FOXN3: variants seen among roughly 807,000 people sequenced by gnomAD.
FOXN3 encodes forkhead box protein N3.
Under a neutral mutation model 38.4 loss-of-function variants are expected in FOXN3, and 7 were observed. The ratio of observed to expected loss-of-function variants is 0.18; its 90% CI spans 0.10 to 0.34. FOXN3 has a LOEUF of 0.34. FOXN3 is among the 10% of genes least tolerant of loss of function. The pLI is 1.00. For missense variants in FOXN3, 456 were observed against 613.4 expected (o/e 0.74, Z 2.71); for synonymous variants, 230 against 242.2 (o/e 0.95, Z 0.47).
chr14:89,186,346 G>C (rs985834343), intron 4 of FOXN3, among the ~76,000 whole-genome samples: 3 of 151,898 alleles, frequency 2.0e-5, no homozygotes, highest in African/African-American at 7.3e-5. Flanking sequence ...TTATTATCTA[G>C]TTTGTCTCTG....
chr14:89,158,170 A>G lies in FOXN3; in HGVS notation c.*4244T>C, dbSNP rs1887021145. The G allele has an allele frequency of 6.6e-6, 1 of 152,306 alleles. No individual in the cohort carries two copies. The highest frequency in any genetic ancestry group is 2.4e-5 in the African/African-American group (1 of 41,470). The allele number at this position is 152,306 out of a possible 1,614,324, so 9.4% of individuals were successfully genotyped here. On this transcript the variant is annotated 3_prime_UTR_variant, in exon 6 of 6. Coordinates refer to ENST00000557258, the MANE Select transcript of FOXN3 (RefSeq NM_005197.4). The stretch of plus-strand genomic sequence containing the variant: ...CCCAAGGCGCCCCCCACAGAGTGGA[A>G]TGAGTGGAACTTGCGTCAGTAGCCC...
rs58930677 is a variant in FOXN3 at position 89,287,749 on chromosome 14, T to TA, written c.681-6736dup. 3.4e-3 allele frequency among the ~76,000 whole-genome samples: 439 copies of TA among 129,664 alleles called. 2 individuals are homozygous for TA. The highest frequency in any genetic ancestry group is 6.2e-3 in the Non-Finnish European group (382 of 61,746). The allele number at this position is 129,664 out of a possible 152,430, so 85.1% of individuals were successfully genotyped here. Reference sequence around the variant, plus strand: ...AGATGTCACTTACTCTAAAGAATGCTAAAAAAAAAAAAAAAAAAAAAAAGT... The same window carrying TA: ...AGATGTCACTTACTCTAAAGAATGCTAAAAAAAAAAAAAAAAAAAAAAAAGT... On this transcript the variant is annotated intron_variant, in intron 3 of 5. Transcript: ENST00000557258.
intron 1 of FOXN3, among the ~76,000 whole-genome samples, chr14:89,463,013 A>G (rs1390796845): frequency 6.8e-6 from 1 of 147,810 alleles, no homozygotes; most frequent in Non-Finnish European, 1.5e-5. Context: ...AAGCCACCAG[A>G]CCGGCCAGGC....
At chr14:89,493,255 T>A (rs573064290) in intron 1 of FOXN3, among the ~76,000 whole-genome samples, 9 of 152,272 alleles carry the variant, frequency 5.9e-5, no homozygotes, top group East Asian at 1.9e-4. Context: ...AATAAAAAAA[T>A]TTTTTGACAT....
At chr14:89,546,752 C>T (rs1191499219) in intron 1 of FOXN3, among the ~76,000 whole-genome samples, 1 of 149,190 alleles carries the variant, frequency 6.7e-6, no homozygotes, top group Non-Finnish European at 1.5e-5. Flanking sequence ...CATATGCATA[C>T]ACATACGCAT....
At chr14:89,209,893 T>G (rs1052976077) in intron 4 of FOXN3, among the ~76,000 whole-genome samples, 1 of 152,254 alleles carries the variant, frequency 6.6e-6, no homozygotes, top group Non-Finnish European at 1.5e-5. Flanking sequence ...GCGGATGCAC[T>G]GATGAACTTC....
intron 1 of FOXN3, among the ~76,000 whole-genome samples, chr14:89,542,241 A>G (rs1276787443): frequency 6.6e-6 from 1 of 152,194 alleles, no homozygotes; most frequent in Non-Finnish European, 1.5e-5. Flanking sequence ...AATCGATATT[A>G]TTATCTTTAA....
At chr14:89,416,435 G>A (rs1369523450) in intron 1 of FOXN3, among the ~76,000 whole-genome samples, 1 of 152,178 alleles carries the variant, frequency 6.6e-6, no homozygotes, top group Admixed American at 6.5e-5. Flanking sequence ...CGGGATGAGG[G>A]GGGTCGGGCC....
intron 1 of FOXN3, among the ~76,000 whole-genome samples, chr14:89,496,762 T>C (rs895063162): frequency 3.9e-5 from 6 of 152,178 alleles, no homozygotes; most frequent in Non-Finnish European, 5.9e-5. Flanking sequence ...ACTCTGTACC[T>C]AGCACACAAT....
chr14:89,414,325 G>A (rs558960951), intron 1 of FOXN3, among the ~76,000 whole-genome samples: 13 of 151,714 alleles, frequency 8.6e-5, no homozygotes, highest in Non-Finnish European at 1.9e-4. Context: ...AATTAAAAAG[G>A]CAAAGACATG....
intron 3 of FOXN3, among the ~76,000 whole-genome samples, chr14:89,328,672 C>T (rs1199204155): frequency 6.6e-6 from 1 of 152,242 alleles, no homozygotes; most frequent in Non-Finnish European, 1.5e-5. Flanking sequence ...GGCAAAGACA[C>T]ATTCCCACTA....
At chr14:89,474,815 A>AT (rs1893177211) in intron 1 of FOXN3, among the ~76,000 whole-genome samples, 1 of 151,944 alleles carries the variant, frequency 6.6e-6, no homozygotes, top group South Asian at 2.1e-4. Context: ...TTATTTATTT[A>AT]TTATTATTAT....
chr14:89,180,951 C>CAT, intron 4 of FOXN3, 145 bp from the exon 5 acceptor site: 1 of 504,058 alleles, frequency 2.0e-6, no homozygotes, highest in Non-Finnish European at 3.4e-6. Context: ...CACACGTGCA[C>CAT]ATACACACAC....
intron 4 of FOXN3, among the ~76,000 whole-genome samples, chr14:89,224,329 T>C (rs1398044280): frequency 6.6e-6 from 1 of 152,168 alleles, no homozygotes; most frequent in Non-Finnish European, 1.5e-5. Flanking sequence ...ATAAAAGGCC[T>C]CCTTAAAAGT....
chr14:89,188,845 T>TA (rs546498137), intron 4 of FOXN3, among the ~76,000 whole-genome samples: 4,619 of 149,890 alleles, frequency 0.031, 169 homozygotes, highest in African/African-American at 0.092. Context: ...GAAGTTTATT[T>TA]AAAAAAAAAA....
chr14:89,538,280 C>A (rs1355309112), intron 1 of FOXN3, among the ~76,000 whole-genome samples: 1 of 152,196 alleles, frequency 6.6e-6, no homozygotes, highest in Admixed American at 6.5e-5. Flanking sequence ...CCCAGTTCCT[C>A]CCCTCAAGGA....
At chr14:89,261,842 G>A (rs1885813414) in intron 4 of FOXN3, among the ~76,000 whole-genome samples, 1 of 152,124 alleles carries the variant, frequency 6.6e-6, no homozygotes, top group East Asian at 1.9e-4. Flanking sequence ...GCAGGAGAAT[G>A]GTATGAACCC....
intron 3 of FOXN3, among the ~76,000 whole-genome samples, chr14:89,324,810 G>C (rs1323681661): frequency 6.6e-6 from 1 of 152,134 alleles, no homozygotes; most frequent in Non-Finnish European, 1.5e-5. Flanking sequence ...AAGACACTGA[G>C]AGGTTTCAAG....
chr14:89,389,437 C>G (rs1767764064), intron 2 of FOXN3, among the ~76,000 whole-genome samples: 1 of 152,184 alleles, frequency 6.6e-6, no homozygotes, highest in African/African-American at 2.4e-5. Flanking sequence ...GTAGATCCCA[C>G]AAGCGCCCAA....
Sources: allele counts gnomAD v4.1 joint callset (sites outside exome capture counted in the v4.1 genomes callset), GRCh38; gene constraint gnomAD v4.1.1; transcripts MANE v1.5; gene names NCBI Gene and HGNC (gene_info 2026-07-23, HGNC 2026-07-21).